The following CDH18 variants were observed in gnomAD, a reference collection of about 807,000 sequenced individuals.
CDH18 encodes the protein cadherin-18.
A neutral mutation model predicts 67.9 loss-of-function variants in CDH18; 31 were observed. The observed-to-expected ratio is 0.46, with a 90% CI of 0.34 to 0.62. The LOEUF (loss-of-function observed/expected upper bound fraction) is 0.62, where lower values mean the gene tolerates loss of function less well. Among genes scored for constraint, CDH18 ranks in the 20% least tolerant of loss-of-function variants. The probability of loss-of-function intolerance (pLI) is 0.01; values close to 1 mark genes in which losing one functional copy is unlikely to be tolerated. For missense variants in CDH18, 890 were observed against 975.5 expected (o/e 0.91, Z 1.17); for synonymous variants, 362 against 347.2 (o/e 1.04, Z -0.48).
intron 2 of CDH18, among the ~76,000 whole-genome samples, chr5:20,237,838 T>G (rs1300171627): frequency 1.3e-5 from 2 of 151,926 alleles, no homozygotes; most frequent in Admixed American, 1.3e-4. Flanking sequence ...TTGAAGAATA[T>G]GGAATAGTCA....
intron 3 of CDH18, among the ~76,000 whole-genome samples, chr5:19,831,449 AAC>A (rs1356281244): frequency 6.6e-6 from 1 of 152,106 alleles, no homozygotes; most frequent in Non-Finnish European, 1.5e-5. Flanking sequence ...ATGGGACATA[AAC>A]AGACACTTCT....
At chr5:19,655,748 C>T (rs1756271218) in intron 5 of CDH18, among the ~76,000 whole-genome samples, 1 of 152,080 alleles carries the variant, frequency 6.6e-6, no homozygotes, top group South Asian at 2.1e-4. Context: ...GACAACAAAC[C>T]CCAGAGCTAC....
At chr5:19,677,818 A>T (rs1048254520) in intron 5 of CDH18, among the ~76,000 whole-genome samples, 2 of 152,046 alleles carry the variant, frequency 1.3e-5, no homozygotes, top group African/African-American at 4.8e-5. Flanking sequence ...GATATTTGAT[A>T]ACTAATTTCA....
intron 1 of CDH18, among the ~76,000 whole-genome samples, chr5:19,984,753 A>G (rs1348167204): frequency 6.6e-6 from 1 of 152,222 alleles, no homozygotes; most frequent in African/African-American, 2.4e-5. Context: ...TCAGACACGC[A>G]TGATGCGTTA....
intron 1 of CDH18, among the ~76,000 whole-genome samples, chr5:20,327,438 A>T (rs144184406): frequency 1.3e-5 from 2 of 152,206 alleles, no homozygotes; most frequent in East Asian, 3.9e-4. Flanking sequence ...GAATGTAACC[A>T]TCTGCCTCAT....
intron 1 of CDH18, among the ~76,000 whole-genome samples, chr5:20,287,603 T>C (rs974487264): frequency 1.3e-5 from 2 of 151,800 alleles, no homozygotes; most frequent in Admixed American, 6.6e-5. Context: ...TGTTTGATAC[T>C]AGAATTTTCA....
At chr5:20,530,685 A>T (rs4522997) in intron 1 of CDH18, among the ~76,000 whole-genome samples, 15 of 152,062 alleles carry the variant, frequency 9.9e-5, no homozygotes, top group African/African-American at 2.9e-4. Context: ...GCTAGCCATA[A>T]GCAGAAAATT....
chr5:20,490,159 T>C (rs1354956877), intron 1 of CDH18, among the ~76,000 whole-genome samples: 1 of 151,880 alleles, frequency 6.6e-6, no homozygotes, highest in East Asian at 1.9e-4. Context: ...GGCATTTTGA[T>C]AAATAATAGC....
intron 1 of CDH18, among the ~76,000 whole-genome samples, chr5:20,395,448 A>G (rs1353147094): frequency 6.6e-6 from 1 of 152,024 alleles, no homozygotes; most frequent in Non-Finnish European, 1.5e-5. Flanking sequence ...AGAAATAGAG[A>G]GGGTAGGAAG....
intron 2 of CDH18, among the ~76,000 whole-genome samples, chr5:20,216,112 C>T (rs1037199524): frequency 4.6e-5 from 7 of 151,544 alleles, no homozygotes; most frequent in Admixed American, 1.3e-4. Flanking sequence ...GCATATGTAC[C>T]CCTGAATTTA....
chr5:19,510,644 G>C (rs1396340951), intron 10 of CDH18, among the ~76,000 whole-genome samples: 1 of 152,014 alleles, frequency 6.6e-6, no homozygotes, highest in Non-Finnish European at 1.5e-5. Context: ...TTTTTGATAT[G>C]GTTAGGTTTT....
chr5:20,475,178 GAT>G (rs778069149), intron 1 of CDH18, among the ~76,000 whole-genome samples: 1 of 151,892 alleles, frequency 6.6e-6, no homozygotes, highest in African/African-American at 2.4e-5. Flanking sequence ...TTTTATATAA[GAT>G]AATAAAAATG....
intron 2 of CDH18, among the ~76,000 whole-genome samples, chr5:20,196,085 G>A (rs1161799971): frequency 6.6e-6 from 1 of 152,102 alleles, no homozygotes; most frequent in Admixed American, 6.6e-5. Context: ...ACTGACAGAT[G>A]ACTGTACATC....
At chr5:20,174,382 G>A (rs950733031) in intron 2 of CDH18, among the ~76,000 whole-genome samples, 22 of 152,166 alleles carry the variant, frequency 1.4e-4, no homozygotes, top group Admixed American at 2.6e-4. Context: ...AGCGTAATAC[G>A]TGTTATTGAG....
At position 19,840,205 on chromosome 5, in the gene CDH18, T is replaced by A. The variant is rs151305759; in HGVS notation, c.-256-963A>T. ...ATGGCGTGAACCCGGGAGGTGGAGC[T>A]TGCAGTAAGCCTAGATCTGAGATCG... On this transcript the variant is annotated intron_variant, in intron 2 of 12. Transcript: ENST00000382275. Among the ~76,000 whole-genome samples the A allele has an allele frequency of 2.0e-5, 3 of 149,818 alleles. No homozygotes were observed. In the East Asian group the frequency reaches 6.0e-4, roughly 30 times the overall value.
chr5:19,810,991 C>G (rs1778579452), intron 3 of CDH18, among the ~76,000 whole-genome samples: 1 of 150,258 alleles, frequency 6.7e-6, no homozygotes. Flanking sequence ...ACACTGCACT[C>G]CAGCCTGGAT....
intron 2 of CDH18, among the ~76,000 whole-genome samples, chr5:20,061,949 T>A (rs1742526097): frequency 6.6e-6 from 1 of 152,046 alleles, no homozygotes; most frequent in Non-Finnish European, 1.5e-5. Context: ...ATGGCCCTCA[T>A]TGCATGTCAC....
chr5:19,803,133 C>G (rs974607600), intron 3 of CDH18, among the ~76,000 whole-genome samples: 3 of 152,222 alleles, frequency 2.0e-5, no homozygotes, highest in African/African-American at 7.2e-5. Context: ...AAATACTCCA[C>G]AAACTCGCAC....
In CDH18 at chr5:20,331,687, CA is replaced by C. The variant is rs1203232439; in HGVS notation, c.-579-76183del. Among the ~76,000 whole-genome samples the C allele has an allele frequency of 3.9e-5, 6 of 152,132 alleles. No individual in the cohort carries two copies. The South Asian group carries it at 1.0e-3, about 26-fold the overall frequency. ...TTATTGACAAGGTAATCTTTGAGAC[CA>C]GGGGGTCCTCCTCCCCCCAGCTGGA... is the stretch of plus-strand genomic sequence containing the variant. On this transcript the variant is annotated intron_variant, in intron 1 of 14. Coordinates refer to the CDH18 transcript ENST00000507958.
Sources: gnomAD v4.1 joint callset for allele counts (sites outside exome capture counted in the v4.1 genomes callset) on GRCh38, gnomAD v4.1.1 for gene constraint, MANE v1.5 for transcripts, NCBI Gene and HGNC (gene_info 2026-07-23, HGNC 2026-07-21) for gene names.